The following IFNAR2 variants were observed in gnomAD, a reference collection of about 807,000 sequenced individuals.
The protein encoded by IFNAR2 is interferon alpha/beta receptor 2.
IFNAR2 carries 30 observed loss-of-function variants against 49.4 expected under a neutral mutation model. The observed-to-expected ratio is 0.61, with a 90% confidence interval of 0.45 to 0.82. The LOEUF is 0.82. IFNAR2 is among the 40% of genes least tolerant of loss of function. The pLI is 0.00. For missense variants in IFNAR2, 600 were observed against 622.7 expected (o/e 0.96, Z 0.39); for synonymous variants, 224 against 234.5 (o/e 0.96, Z 0.41).
At chr21:33,238,539 C>A (rs1301893734) in intron 1 of IFNAR2, among the ~76,000 whole-genome samples, 1 of 152,180 alleles carries the variant, frequency 6.6e-6, no homozygotes, top group Non-Finnish European at 1.5e-5. Flanking sequence ...CCTTAAAATT[C>A]TTCTTGAAGA....
intron 8 of IFNAR2, chr21:33,262,425 A>T (rs1988664658): frequency 1.8e-6 from 1 of 560,756 alleles, no homozygotes; most frequent in Admixed American, 3.1e-5. Flanking sequence ...AGGGAAAGGT[A>T]AATTATATAT....
chr21:33,238,490 T>C (rs775031285), intron 1 of IFNAR2, among the ~76,000 whole-genome samples: 38 of 152,142 alleles, frequency 2.5e-4, no homozygotes, highest in Non-Finnish European at 4.6e-4. Flanking sequence ...GGGGACAGAA[T>C]ATCTGAGAGA....
At chr21:33,260,428 T>C (rs1988483989) in intron 7 of IFNAR2, among the ~76,000 whole-genome samples, 169 bp from the exon 8 acceptor site, 1 of 152,216 alleles carries the variant, frequency 6.6e-6, no homozygotes, top group African/African-American at 2.4e-5. Context: ...GTTTAAAAAA[T>C]GCACACTTAG....
chr21:33,260,133 TGTG>T (rs566062590), intron 7 of IFNAR2, among the ~76,000 whole-genome samples: 1 of 152,206 alleles, frequency 6.6e-6, no homozygotes, highest in Non-Finnish European at 1.5e-5. Flanking sequence ...AGCCCTGACT[TGTG>T]GCCCCAGCGT....
rs1207126866 is a variant in IFNAR2, at chr21:33,264,623, T to G, written c.*1123T>G. The G allele has an allele frequency of 2.0e-5, 3 of 150,452 alleles. No individual in the cohort carries two copies. The highest frequency in any genetic ancestry group is 4.4e-5 in the Non-Finnish European group (3 of 67,646). 9.3% of individuals were successfully genotyped at this position (150,452 alleles called of 1,614,324 possible). The stretch of plus-strand genomic sequence containing the variant: ...TTTTCAGAGTGCTCTCTATGCTGAT[T>G]CCGAGTCGAGTGTGTCAGCTGTGAT... On this transcript the variant is annotated 3_prime_UTR_variant, in exon 9 of 9. Transcript: ENST00000342136.
Position 33,264,055 on chromosome 21 carries a change from T to TA in IFNAR2, c.*556dup, listed in dbSNP as rs1988820777. The TA allele has an allele frequency of 1.3e-5, 2 of 152,928 alleles. No individual in the cohort carries two copies. Among genetic ancestry groups the TA allele is most frequent in the African/African-American group, 4.8e-5 (2 of 41,320 alleles). 9.5% of individuals were successfully genotyped at this position (152,928 alleles called of 1,614,324 possible). A position where few individuals can be genotyped will look rare whatever the true frequency, so the allele number is the denominator to read the frequency against. On this transcript the variant is annotated 3_prime_UTR_variant, in exon 9 of 9. Transcript: ENST00000342136. ...TGTATTTTTAGTAGAGACAGGATTTTACCATGTTGGCCAGGCTGGTCTCAA... is the reference window on the plus strand; with the variant it reads ...TGTATTTTTAGTAGAGACAGGATTTTAACCATGTTGGCCAGGCTGGTCTCAA...
At position 33,264,394 on chromosome 21, in the gene IFNAR2, T is replaced by C. The variant is rs1289979881; in HGVS notation, c.*894T>C. ...GTCTCCTGCAATTGGAATTCCACCTTGTCCAGCCCTCCCCAGTTAAAGTGG... is the reference window on the plus strand; with the variant it reads ...GTCTCCTGCAATTGGAATTCCACCTCGTCCAGCCCTCCCCAGTTAAAGTGG... On this transcript the variant is annotated 3_prime_UTR_variant, in exon 9 of 9. Coordinates refer to ENST00000342136, the MANE Select transcript of IFNAR2 (RefSeq NM_001289125.3). 1 of 151,970 alleles carries C rather than the reference T, an allele frequency of 6.6e-6. No homozygotes were observed. The highest frequency in any genetic ancestry group is 2.4e-5 in the African/African-American group (1 of 41,344). The allele number at this position is 151,970 out of a possible 1,614,324, so 9.4% of individuals were successfully genotyped here.
intron 1 of IFNAR2, among the ~76,000 whole-genome samples, chr21:33,234,114 A>G (rs2123442746): frequency 6.6e-6 from 1 of 152,082 alleles, no homozygotes; most frequent in South Asian, 2.1e-4. Flanking sequence ...TATGGACAAA[A>G]AAATTTAAAT....
intron 1 of IFNAR2, among the ~76,000 whole-genome samples, chr21:33,237,083 GT>G (rs1601788426): frequency 1.3e-5 from 2 of 151,086 alleles, no homozygotes; most frequent in Non-Finnish European, 3.0e-5. Flanking sequence ...AATGGGGTGT[GT>G]GTGTGTGTGT....
intron 7 of IFNAR2, among the ~76,000 whole-genome samples, chr21:33,255,361 A>C (rs1434009368): frequency 6.6e-6 from 1 of 152,198 alleles, no homozygotes; most frequent in African/African-American, 2.4e-5. Context: ...GCCAGCCACA[A>C]GTCATGGGTG....
chr21:33,250,800 A>G (rs1987785080), intron 6 of IFNAR2, among the ~76,000 whole-genome samples: 1 of 152,120 alleles, frequency 6.6e-6, no homozygotes. Flanking sequence ...CAGCCTCCCA[A>G]AGTGTTGGGA....
At chr21:33,256,493 G>T (rs1038445531) in intron 7 of IFNAR2, among the ~76,000 whole-genome samples, 3 of 152,150 alleles carry the variant, frequency 2.0e-5, no homozygotes, top group African/African-American at 7.2e-5. Flanking sequence ...ATGGTGAGGG[G>T]TCTTGGAAGG....
At chr21:33,249,062 G>A (rs537145602) in intron 6 of IFNAR2, among the ~76,000 whole-genome samples, 9 of 152,228 alleles carry the variant, frequency 5.9e-5, no homozygotes, top group African/African-American at 1.4e-4. Context: ...AATAAGCCAC[G>A]GCTGGGCCTG....
chr21:33,230,303 A>G lies in IFNAR2; in HGVS notation c.-84+87A>G, dbSNP rs1244593303. 1 of 1,063,250 alleles carries G rather than the reference A, an allele frequency of 9.4e-7. No individual in the cohort carries two copies. Among genetic ancestry groups the G allele is most frequent in the African/African-American group, 1.7e-5 (1 of 58,010 alleles). The allele number at this position is 1,063,250 out of a possible 1,614,324, so 65.9% of individuals were successfully genotyped here. On this transcript the variant is annotated intron_variant, in intron 1 of 8. Transcript: ENST00000342136. This position sits in a 1 kb window ranked among gnomAD's most constrained non-coding sequence, Gnocchi z 5.5. Reference sequence around the variant, plus strand: ...GCCGCCTCCCTGCAGCGGTTCCCGGAATCCCCTCCGGTTCCCTCTCGCTCT... The same window carrying G: ...GCCGCCTCCCTGCAGCGGTTCCCGGGATCCCCTCCGGTTCCCTCTCGCTCT...
At chr21:33,242,752 CGTGTGCGTGTGT>C (rs1987051031) in intron 2 of IFNAR2, among the ~76,000 whole-genome samples, 1 of 8,712 alleles carries the variant, frequency 1.1e-4, no homozygotes, top group African/African-American at 1.3e-3. Context: ...AAAAAAATCT[CGTGTGCGTGTGT>C]GTGTGTGTGT....
rs760755014 is a variant in IFNAR2 at position 33,244,931 on chromosome 21, C to T, written c.98-20C>T. The T allele has an allele frequency of 1.4e-5, 23 of 1,611,548 alleles. No homozygotes were observed. Among genetic ancestry groups the T allele is most frequent in the Non-Finnish European group, 2.0e-5 (23 of 1,178,482 alleles). Reference sequence around the variant, plus strand: ...ACTGTGGGTTCCAAATTTCAATGCCCTTTTTCTTCTTCTCTTTAGATTACA... The same window carrying T: ...ACTGTGGGTTCCAAATTTCAATGCCTTTTTTCTTCTTCTCTTTAGATTACA... On this transcript the variant is annotated intron_variant, in intron 3 of 8. Transcript: ENST00000342136.
chr21:33,235,938 T>C (rs904404483), intron 1 of IFNAR2, among the ~76,000 whole-genome samples: 9 of 151,648 alleles, frequency 5.9e-5, no homozygotes, highest in African/African-American at 2.2e-4. Context: ...AAAAATAAAA[T>C]AAAATAAAAA....
chr21:33,262,719 T>C, intron 8 of IFNAR2, 74 bp from the exon 9 acceptor site: 1 of 1,585,164 alleles, frequency 6.3e-7, no homozygotes, highest in Non-Finnish European at 8.7e-7. Context: ...GTGATTAAGT[T>C]TTATTATGTA....
Position 33,243,674 on chromosome 21 carries a change from G to A in IFNAR2, c.57G>A (p.Val19=). The A allele has an allele frequency of 6.2e-7, 1 of 1,613,092 alleles. No homozygotes were observed. The highest frequency in any genetic ancestry group is 2.2e-5 in the East Asian group (1 of 44,852). ...IFRSLNLVLM[V]YISLVFGISY... is the part of the protein sequence containing the mutation. ...TCTAATGTGTTTTCTTCCTTCTAGTGTATATCAGCCTCGTGTTTGGTATTT... is the reference window on the plus strand; with the variant it reads ...TCTAATGTGTTTTCTTCCTTCTAGTATATATCAGCCTCGTGTTTGGTATTT... Residue 19 remains valine, a splice_region_variant and synonymous_variant, in exon 3 of 9, where the codon GTG becomes GTA. Transcript: ENST00000342136.
Sources: gnomAD v4.1 joint callset for allele counts (sites outside exome capture counted in the v4.1 genomes callset) on GRCh38, gnomAD v4.1.1 for gene constraint, Gnocchi (gnomAD v3.1) non-coding constraint, MANE v1.5 for transcripts, NCBI Gene and HGNC (gene_info 2026-07-23, HGNC 2026-07-21) for gene names.